ZNF438: variants seen among roughly 807,000 people sequenced by gnomAD.
ZNF438 encodes the protein zinc finger protein 438.
In ZNF438, 25 loss-of-function variants were observed where a neutral mutation model predicts 38.0. The observed-to-expected ratio is 0.66, with a 90% confidence interval of 0.48 to 0.92. The LOEUF is 0.92. ZNF438 is among the 40% of genes least tolerant of loss of function. The pLI, the probability that ZNF438 is intolerant of heterozygous loss-of-function variation, is 0.00. For synonymous variants in ZNF438, 372 were observed against 364.1 expected, an observed-to-expected ratio of 1.02 and a Z score of -0.25; for missense variants, 1,007 against 999.6, an observed-to-expected ratio of 1.01 and a Z score of -0.10.
At chr10:31,022,973 GATTAATAA>G (rs2056706832) in intron 1 of ZNF438, among the ~76,000 whole-genome samples, 1 of 152,084 alleles carries the variant, frequency 6.6e-6, no homozygotes, top group Non-Finnish European at 1.5e-5. Flanking sequence ...TTCCTGCTCT[GATTAATAA>G]AGACGTGTCT....
intron 1 of ZNF438, among the ~76,000 whole-genome samples, chr10:30,997,184 A>G (rs2054140063): frequency 6.6e-6 from 1 of 152,182 alleles, no homozygotes; most frequent in African/African-American, 2.4e-5. Context: ...GACGGAAGGA[A>G]ATAATAAAGA....
At chr10:30,940,064 G>A (rs2046656338) in intron 2 of ZNF438, among the ~76,000 whole-genome samples, 1 of 152,166 alleles carries the variant, frequency 6.6e-6, no homozygotes, top group Non-Finnish European at 1.5e-5. Context: ...AGGAGAAGAT[G>A]GCAACCAGGA....
intron 1 of ZNF438, among the ~76,000 whole-genome samples, chr10:31,004,051 C>T (rs1269203868): frequency 6.6e-6 from 1 of 152,142 alleles, no homozygotes; most frequent in African/African-American, 2.4e-5. Flanking sequence ...TACATAAGTA[C>T]TTCTCAATGG....
intron 3 of ZNF438, among the ~76,000 whole-genome samples, chr10:30,883,404 A>T (rs376999658): frequency 1.8e-4 from 28 of 152,320 alleles, no homozygotes; most frequent in African/African-American, 6.3e-4. Flanking sequence ...TAAAGCCATC[A>T]TCATTATCAT....
intron 3 of ZNF438, among the ~76,000 whole-genome samples, chr10:30,882,308 T>C (rs149381696): frequency 6.1e-4 from 93 of 152,312 alleles, no homozygotes; most frequent in African/African-American, 2.1e-3. Context: ...TCAACATCAC[T>C]GGTTATTAAG....
chr10:31,008,249 C>T (rs1299034589), intron 1 of ZNF438, among the ~76,000 whole-genome samples: 1 of 152,074 alleles, frequency 6.6e-6, no homozygotes, highest in African/African-American at 2.4e-5. Flanking sequence ...AAAGTATATT[C>T]CCACATATTA....
intron 4 of ZNF438, among the ~76,000 whole-genome samples, chr10:30,862,402 A>G (rs563370880): frequency 1.8e-4 from 27 of 152,296 alleles, no homozygotes; most frequent in African/African-American, 6.0e-4. Flanking sequence ...TCCTGGGTTC[A>G]AGTGATCCTC....
At chr10:30,942,109 G>A (rs951434478) in intron 1 of ZNF438, among the ~76,000 whole-genome samples, 6 of 152,174 alleles carry the variant, frequency 3.9e-5, no homozygotes, top group Non-Finnish European at 7.4e-5. Context: ...GTGACACAAG[G>A]CGCTACGGGA....
At chr10:30,983,127 A>G (rs189279673) in intron 1 of ZNF438, among the ~76,000 whole-genome samples, 4 of 152,368 alleles carry the variant, frequency 2.6e-5, no homozygotes, top group East Asian at 1.9e-4. Context: ...CCTGCTTGGA[A>G]TAACAGAAAA....
intron 4 of ZNF438, among the ~76,000 whole-genome samples, chr10:30,871,968 A>G (rs2037480807): frequency 1.3e-5 from 2 of 152,214 alleles, no homozygotes; most frequent in Admixed American, 6.5e-5. Flanking sequence ...TTTGAAAACT[A>G]CCTTTAAATA....
intron 1 of ZNF438, among the ~76,000 whole-genome samples, chr10:30,996,940 T>C (rs1385083639): frequency 1.3e-5 from 2 of 152,090 alleles, no homozygotes; most frequent in Non-Finnish European, 2.9e-5. Flanking sequence ...CACTCCTAAA[T>C]AACCAATGGG....
At chr10:30,893,836 C>T (rs1389082615) in intron 3 of ZNF438, among the ~76,000 whole-genome samples, 1 of 152,176 alleles carries the variant, frequency 6.6e-6, no homozygotes, top group South Asian at 2.1e-4. Context: ...ATCATACCTT[C>T]AGAACGCATT....
At chr10:30,892,788 G>T (rs531842755) in intron 3 of ZNF438, among the ~76,000 whole-genome samples, 1 of 152,272 alleles carries the variant, frequency 6.6e-6, no homozygotes, top group South Asian at 2.1e-4. Context: ...TTTCCATACT[G>T]AAGCAGATTA....
intron 2 of ZNF438, among the ~76,000 whole-genome samples, chr10:30,936,705 A>G (rs1399606716): frequency 6.6e-6 from 1 of 152,204 alleles, no homozygotes. Flanking sequence ...ATGTGGAGAT[A>G]TTAATAAAAC....
At chr10:30,989,740 T>C (rs1228793462) in intron 1 of ZNF438, among the ~76,000 whole-genome samples, 2 of 152,204 alleles carry the variant, frequency 1.3e-5, no homozygotes, top group African/African-American at 2.4e-5. Flanking sequence ...AATACATAAT[T>C]GTAGGACTTT....
intron 1 of ZNF438, among the ~76,000 whole-genome samples, chr10:30,947,543 T>G (rs566593299): frequency 6.6e-6 from 1 of 152,274 alleles, no homozygotes; most frequent in Admixed American, 6.5e-5. Flanking sequence ...TGAGCTGTGG[T>G]GGGCTCCGCC....
At chr10:30,977,425 G>A (rs1256028235) in intron 1 of ZNF438, among the ~76,000 whole-genome samples, 2 of 152,156 alleles carry the variant, frequency 1.3e-5, no homozygotes, top group Non-Finnish European at 2.9e-5. Context: ...ACCCAGGCTG[G>A]CCCTGCCATC....
At chr10:30,964,362 G>C (rs2049884838) in intron 1 of ZNF438, among the ~76,000 whole-genome samples, 1 of 152,076 alleles carries the variant, frequency 6.6e-6, no homozygotes, top group Admixed American at 6.5e-5. Flanking sequence ...CCTGATTCTT[G>C]TCCATGCCTC....
At position 30,856,695 on chromosome 10, in the gene ZNF438, TAA is replaced by T. The variant is rs1242270457; in HGVS notation, c.38-6330_38-6329del. On this transcript the variant is annotated intron_variant, in intron 4 of 5. Transcript: ENST00000413025. ...CCTGCACAACTACCCGTAACACAGT[TAA>T]AGAGACTCACAGGACTCTCAGGTAC... Among the ~76,000 whole-genome samples, 4 of 152,300 alleles carry T rather than the reference TAA, an allele frequency of 2.6e-5. No individual in the cohort carries two copies. The East Asian group carries it at 7.7e-4, about 29-fold the overall frequency.
Sources: gnomAD v4.1 joint callset for allele counts (sites outside exome capture counted in the v4.1 genomes callset) on GRCh38, gnomAD v4.1.1 for gene constraint, MANE v1.5 for transcripts, NCBI Gene and HGNC (gene_info 2026-07-23, HGNC 2026-07-21) for gene names.